AKAP7: variants seen among roughly 807,000 people sequenced by gnomAD.
AKAP7 encodes A-kinase anchoring protein 7, also known as A kinase (PRKA) anchor protein 7.
In AKAP7, 39 loss-of-function variants were observed where a neutral mutation model predicts 39.5. The ratio of observed to expected loss-of-function variants is 0.99; its 90% CI spans 0.76 to 1.29. The LOEUF is 1.29. Ranked by LOEUF, AKAP7 falls within the 50% of genes most tolerant of loss-of-function variation. The pLI is 0.00. For synonymous variants in AKAP7, 140 were observed against 139.1 expected (o/e 1.01, Z -0.05); for missense variants, 414 against 407.7 (o/e 1.02, Z -0.13).
intron 2 of AKAP7, among the ~76,000 whole-genome samples, chr6:131,152,422 A>G (rs1801996312): frequency 6.6e-6 from 1 of 152,284 alleles, no homozygotes. Flanking sequence ...TTATAATTTC[A>G]AAGTGAGAAA....
upstream of AKAP7, among the ~76,000 whole-genome samples, chr6:131,132,221 G>C (rs190720079): frequency 1.6e-4 from 25 of 152,120 alleles, no homozygotes; most frequent in East Asian, 4.7e-3. Context: ...GTAGAGCAGG[G>C]AGAATGGCGG....
At chr6:131,189,257 A>G (rs1002302871) in intron 5 of AKAP7, among the ~76,000 whole-genome samples, 8 of 152,238 alleles carry the variant, frequency 5.3e-5, no homozygotes, top group African/African-American at 1.9e-4. Flanking sequence ...CTTTTGCACA[A>G]TTGTAAAATC....
At chr6:131,180,089 C>T (rs1273567056) in intron 5 of AKAP7, among the ~76,000 whole-genome samples, 2 of 152,186 alleles carry the variant, frequency 1.3e-5, no homozygotes, top group East Asian at 1.9e-4. Flanking sequence ...CTGTTTGGAG[C>T]AACTATAACC....
At chr6:131,143,149 G>A (rs531751595) in intron 1 of AKAP7, among the ~76,000 whole-genome samples, 2 of 152,276 alleles carry the variant, frequency 1.3e-5, no homozygotes, top group African/African-American at 4.8e-5. Flanking sequence ...ATGCTGGAAC[G>A]AGTTGACCTT....
chr6:131,134,775 C>T (rs1172118667), upstream of AKAP7, among the ~76,000 whole-genome samples: 1 of 152,200 alleles, frequency 6.6e-6, no homozygotes, highest in Non-Finnish European at 1.5e-5. Context: ...TTCTACGATG[C>T]ATTCAACATA....
intron 5 of AKAP7, among the ~76,000 whole-genome samples, chr6:131,173,626 G>A (rs964245955): frequency 6.6e-6 from 1 of 152,194 alleles, no homozygotes; most frequent in African/African-American, 2.4e-5. Context: ...AGGCCAATGA[G>A]AAGGCAACTC....
At chr6:131,166,647 G>C (rs1803526875) in intron 4 of AKAP7, among the ~76,000 whole-genome samples, 1 of 152,078 alleles carries the variant, frequency 6.6e-6, no homozygotes, top group East Asian at 1.9e-4. Flanking sequence ...TAGCTGATTG[G>C]TTTGGGTCCA....
chr6:131,186,352 C>T (rs1010624014), intron 5 of AKAP7, among the ~76,000 whole-genome samples: 1 of 152,120 alleles, frequency 6.6e-6, no homozygotes, highest in African/African-American at 2.4e-5. Context: ...GAGATGCTGG[C>T]ATTATGCTTC....
At chr6:131,174,346 A>C (rs997547790) in intron 5 of AKAP7, among the ~76,000 whole-genome samples, 12 of 152,268 alleles carry the variant, frequency 7.9e-5, no homozygotes, top group Admixed American at 2.6e-4. Flanking sequence ...GTTTAGATAT[A>C]GCCTCTATTT....
intron 4 of AKAP7, among the ~76,000 whole-genome samples, chr6:131,166,585 C>T (rs77797858): frequency 6.6e-6 from 1 of 152,180 alleles, no homozygotes; most frequent in Non-Finnish European, 1.5e-5. Flanking sequence ...CTCAGTCAGT[C>T]TGGGGACAGA....
chr6:131,187,145 A>G (rs1203745992), intron 5 of AKAP7, among the ~76,000 whole-genome samples: 1 of 152,026 alleles, frequency 6.6e-6, no homozygotes, highest in East Asian at 1.9e-4. Context: ...TTTTTTTTAA[A>G]TTTCTGCAGA....
At chr6:131,172,808 T>A (rs1804201152) in intron 5 of AKAP7, among the ~76,000 whole-genome samples, 1 of 152,238 alleles carries the variant, frequency 6.6e-6, no homozygotes, top group African/African-American at 2.4e-5. Context: ...TATTTGATGA[T>A]TTTCTAAGAA....
chr6:131,126,199 G>T, the AKAP7 span, among the ~76,000 whole-genome samples: 2 of 152,160 alleles, frequency 1.3e-5, no homozygotes, highest in Non-Finnish European at 1.5e-5. Context: ...TGGTTGCTCA[G>T]ATTATTTACA....
intron 7 of AKAP7, among the ~76,000 whole-genome samples, chr6:131,223,889 C>T (rs1037344933): frequency 2.0e-5 from 3 of 152,186 alleles, no homozygotes; most frequent in African/African-American, 7.2e-5. Context: ...TGTGTTCAAG[C>T]CACTGAGATT....
At chr6:131,181,940 A>T (rs1357225805) in intron 5 of AKAP7, among the ~76,000 whole-genome samples, 2 of 152,122 alleles carry the variant, frequency 1.3e-5, no homozygotes, top group African/African-American at 2.4e-5. Context: ...CCTGGCCAAC[A>T]TAGTGAAACT....
the AKAP7 span, among the ~76,000 whole-genome samples, chr6:131,129,796 CA>C: frequency 2.0e-5 from 3 of 152,218 alleles, no homozygotes; most frequent in African/African-American, 7.2e-5. Context: ...TACCTTGGGT[CA>C]CCAAGGGTCC....
chr6:131,128,084 T>C, the AKAP7 span, among the ~76,000 whole-genome samples: 1 of 152,148 alleles, frequency 6.6e-6, no homozygotes, highest in Non-Finnish European at 1.5e-5. Flanking sequence ...CCTATCAAGG[T>C]GGCAAAATTA....
chr6:131,184,990 C>T, intron 5 of AKAP7: 1 of 763,530 alleles, frequency 1.3e-6, no homozygotes, highest in South Asian at 1.4e-5. Flanking sequence ...TACTCATCAT[C>T]GAGGTCATCC....
chr6:131,135,608 G>A lies in AKAP7; in HGVS notation c.-156G>A, dbSNP rs1207142409. 7 of 596,932 alleles carry A rather than the reference G, an allele frequency of 1.2e-5. No homozygotes were observed. Among genetic ancestry groups the A allele is most frequent in the Middle Eastern group, 8.1e-4 (1 of 1,228 alleles). 37.0% of individuals were successfully genotyped at this position (596,932 alleles called of 1,614,324 possible). A position where few individuals can be genotyped will look rare whatever the true frequency, so the allele number is the denominator to read the frequency against. ...CCTGGCCTCCGCCGCCCGGGCCCCC[G>A]CAGCCTGTCGCTGGACCCCGCGCCG... On this transcript the variant is annotated 5_prime_UTR_variant, in exon 1 of 8. Coordinates refer to ENST00000431975, the MANE Select transcript of AKAP7 (RefSeq NM_016377.4).
Sources: gnomAD v4.1 joint callset for allele counts (sites outside exome capture counted in the v4.1 genomes callset) on GRCh38, gnomAD v4.1.1 for gene constraint, MANE v1.5 for transcripts, NCBI Gene and HGNC (gene_info 2026-07-23, HGNC 2026-07-21) for gene names.